ZNF705G: variants seen among roughly 807,000 people sequenced by gnomAD.
ZNF705G encodes the protein putative zinc finger protein 705G.
In ZNF705G, 23 loss-of-function variants were observed where a neutral mutation model predicts 19.6. The observed-to-expected ratio is 1.17, with a 90% CI of 0.84 to 1.66. The LOEUF (loss-of-function observed/expected upper bound fraction) is 1.66. Ranked by LOEUF, ZNF705G falls within the 40% of genes most tolerant of loss-of-function variation. ZNF705G has a pLI of 0.00. For synonymous variants in ZNF705G, 146 were observed against 117.7 expected, an observed-to-expected ratio of 1.24 and a Z score of -1.56; for missense variants, 457 against 354.4, an observed-to-expected ratio of 1.29 and a Z score of -2.32.
intron 2 of ZNF705G, among the ~76,000 whole-genome samples, chr8:7,366,527 G>C (rs1388621129): frequency 6.7e-6 from 1 of 149,412 alleles, no homozygotes; most frequent in African/African-American, 2.6e-5. Context: ...AATCAAGGGA[G>C]AAATCTATTT....
rs1423595602 is a variant in ZNF705G, at chr8:7,360,274, C to T, written c.198G>A (p.Trp66Ter). 7 of 1,591,496 alleles carry T rather than the reference C, an allele frequency of 4.4e-6. No individual in the cohort carries two copies. The East Asian group carries it at 1.1e-4, about 25-fold the overall frequency. Reference protein sequence around the residue: ...ILQLEQGKELWREGRVFLQDQ... With the variant: ...ILQLEQGKEL ...CTTGAAGAAATACTCTTCCTTCCCT[C>T]CACAGCTCTTTTCCTTGCTCCAGCT... Residue 66 changes from tryptophan to a stop codon, truncating the protein, a stop_gained, in exon 5 of 7, where the codon TGG becomes TGA. Coordinates refer to ENST00000400156, the MANE Select transcript of ZNF705G (RefSeq NM_001164457.3). LOFTEE classifies it high-confidence loss of function.
Position 7,379,839 on chromosome 8 carries a change from C to A in ZNF705G, c.-72+1613G>T, listed in dbSNP as rs577151308. Among the ~76,000 whole-genome samples the A allele has an allele frequency of 7.5e-5, 11 of 146,966 alleles. 1 individual carries two copies. The highest frequency in any genetic ancestry group is 6.6e-4 in the Admixed American group (10 of 15,180). On this transcript the variant is annotated intron_variant, in intron 2 of 6. Coordinates refer to ENST00000400156, the MANE Select transcript of ZNF705G (RefSeq NM_001164457.3). Reference sequence around the variant, plus strand: ...TGGCACTGGATCGTCTGCACCTGCCCCCAGACACAGGCAGCTGTGGCACAA... The same window carrying A: ...TGGCACTGGATCGTCTGCACCTGCCACCAGACACAGGCAGCTGTGGCACAA...
At chr8:7,360,634 T>A (rs1265009025) in intron 4 of ZNF705G, among the ~76,000 whole-genome samples, 6 of 149,448 alleles carry the variant, frequency 4.0e-5, no homozygotes, top group South Asian at 4.2e-4. Context: ...AAGAGAGTAA[T>A]TATATCTCTG....
Position 7,356,464 on chromosome 8 carries a change from G to C in ZNF705G, c.*1512C>G, listed in dbSNP as rs150026362. 2,126 of 149,606 alleles carry C rather than the reference G, an allele frequency of 0.014. 35 individuals are homozygous for C. Among genetic ancestry groups the C allele is most frequent in the Non-Finnish European group, 0.021 (1,396 of 67,896 alleles). 9.3% of individuals were successfully genotyped at this position (149,606 alleles called of 1,614,324 possible). The stretch of plus-strand genomic sequence containing the variant: ...GATCCCAGTTAACTGCCTAGAGACA[G>C]AGGAAAGGGCTGCGGACACCCAAAT... On this transcript the variant is annotated 3_prime_UTR_variant, in exon 7 of 7. Transcript: ENST00000400156.
In ZNF705G at chr8:7,361,212, C is replaced by T. The variant is rs766409346; in HGVS notation, c.37G>A (p.Ala13Thr). The T allele has an allele frequency of 1.3e-5, 20 of 1,592,736 alleles. 1 individual carries two copies. Among genetic ancestry groups the T allele is most frequent in the African/African-American group, 2.8e-5 (2 of 70,792 alleles). Reference sequence around the variant, plus strand: ...CACTCTTCCTGGGTGAAGTCAATAGCTACATCTTCAAAAGTCAGTTTCTTC... The same window carrying T: ...CACTCTTCCTGGGTGAAGTCAATAGTTACATCTTCAAAAGTCAGTTTCTTC... Reference protein sequence around the residue: ...SLKKLTFEDVAIDFTQEEWAM... With the variant: ...SLKKLTFEDVTIDFTQEEWAM... The change falls in exon 4 of 7, where the codon GCT becomes ACT. Residue 13 changes from alanine to threonine, a missense_variant. Ala to Thr is a moderately conservative substitution (Grantham distance 58). Coordinates refer to ENST00000400156, the MANE Select transcript of ZNF705G (RefSeq NM_001164457.3).
chr8:7,367,909 G>A (rs1169879344), intron 2 of ZNF705G, among the ~76,000 whole-genome samples: 8 of 149,596 alleles, frequency 5.3e-5, no homozygotes, highest in Non-Finnish European at 1.2e-4. Flanking sequence ...AAGGGAATGA[G>A]GCCAGTTCAC....
chr8:7,368,876 G>T lies in ZNF705G; in HGVS notation c.-71-5859C>A, dbSNP rs569242863. ...TAGAGGGTGCAAGCCACAAGCCTTGGCAATTTCCATGAGGTATTAAACCTG... is the reference window on the plus strand; with the variant it reads ...TAGAGGGTGCAAGCCACAAGCCTTGTCAATTTCCATGAGGTATTAAACCTG... On this transcript the variant is annotated intron_variant, in intron 2 of 6. Transcript: ENST00000400156. Among the ~76,000 whole-genome samples the T allele has an allele frequency of 2.1e-3, 317 of 149,704 alleles. 17 individuals are homozygous for T. The highest frequency in any genetic ancestry group is 7.7e-3 in the African/African-American group (302 of 39,076).
Position 7,360,310 on chromosome 8 carries a change from A to G in ZNF705G, c.162T>C (p.Tyr54=), listed in dbSNP as rs746768728. 6.3e-7 allele frequency: 1 copy of G among 1,590,064 alleles called. No homozygotes were observed. The highest frequency in any genetic ancestry group is 8.5e-7 in the Non-Finnish European group (1 of 1,178,730). The change falls in exon 5 of 7, where the codon TAT becomes TAC. Residue 54 remains tyrosine, a synonymous_variant. Coordinates refer to ENST00000400156, the MANE Select transcript of ZNF705G (RefSeq NM_001164457.3). ...VSLGYQISKS[Y]IILQLEQGKE... ...TTCCTTGCTCCAGCTGCAAAATTATATAGGATTTGCTTATCTGGTACCCTG... is the reference window on the plus strand; with the variant it reads ...TTCCTTGCTCCAGCTGCAAAATTATGTAGGATTTGCTTATCTGGTACCCTG...
intron 2 of ZNF705G, among the ~76,000 whole-genome samples, chr8:7,371,066 G>A (rs1244749107): frequency 1.4e-5 from 2 of 139,902 alleles, no homozygotes; most frequent in Non-Finnish European, 3.0e-5. Context: ...CCTGTTGGGA[G>A]GCAGGTGGAG....
In ZNF705G at chr8:7,360,346, G is replaced by C. The variant is rs758533066; in HGVS notation, c.140-14C>G. ...TTATCTGGTACCCTGTTAGTGGAAA[G>C]AATACATGTGTTTTGAGTTCACTGT... On this transcript the variant is annotated splice_polypyrimidine_tract_variant and intron_variant, in intron 4 of 6. Coordinates refer to ENST00000400156, the MANE Select transcript of ZNF705G (RefSeq NM_001164457.3). 7 of 1,587,972 alleles carry C rather than the reference G, an allele frequency of 4.4e-6. No individual in the cohort carries two copies. The South Asian group carries it at 6.6e-5, about 15-fold the overall frequency.
Position 7,361,171 on chromosome 8 carries a change from T to A in ZNF705G, c.78A>T (p.Thr26=), listed in dbSNP as rs113649567. 1.3e-6 allele frequency: 2 copies of A among 1,593,160 alleles called. No individual in the cohort carries two copies. The highest frequency in any genetic ancestry group is 1.7e-6 in the Non-Finnish European group (2 of 1,179,468). ...FTQEEWAMMD[T]SKRKLYRDVM... ...CATCTCTGTACAGCTTTCTCTTGGATGTGTCCATCATGGCCCACTCTTCCT... is the reference window on the plus strand; with the variant it reads ...CATCTCTGTACAGCTTTCTCTTGGAAGTGTCCATCATGGCCCACTCTTCCT... The change falls in exon 4 of 7, where the codon ACA becomes ACT. Residue 26 remains threonine (T), a synonymous_variant. Coordinates refer to ENST00000400156, the MANE Select transcript of ZNF705G (RefSeq NM_001164457.3).
At position 7,379,837 on chromosome 8, in the gene ZNF705G, C is replaced by T. The variant is rs1353966361; in HGVS notation, c.-72+1615G>A. On this transcript the variant is annotated intron_variant, in intron 2 of 6. Coordinates refer to ENST00000400156, the MANE Select transcript of ZNF705G (RefSeq NM_001164457.3). ...GTTGGCACTGGATCGTCTGCACCTG[C>T]CCCCAGACACAGGCAGCTGTGGCAC... Among the ~76,000 whole-genome samples, 4 of 146,906 alleles carry T rather than the reference C, an allele frequency of 2.7e-5. 1 individual carries two copies. The highest frequency in any genetic ancestry group is 1.3e-4 in the Admixed American group (2 of 15,172).
chr8:7,375,490 C>G (rs1490177087), intron 2 of ZNF705G, among the ~76,000 whole-genome samples: 1 of 90,406 alleles, frequency 1.1e-5, no homozygotes, highest in Non-Finnish European at 2.1e-5. Flanking sequence ...GATGAACATA[C>G]AGATTTAGGT....
chr8:7,376,478 C>T (rs1368806587), intron 2 of ZNF705G, among the ~76,000 whole-genome samples: 1 of 114,210 alleles, frequency 8.8e-6, no homozygotes, highest in Non-Finnish European at 1.8e-5. Flanking sequence ...ACAAAGACTG[C>T]TCAGAATTAA....
intron 1 of ZNF705G, among the ~76,000 whole-genome samples, chr8:7,384,500 T>C (rs900655831): frequency 5.5e-5 from 8 of 145,982 alleles, no homozygotes; most frequent in African/African-American, 1.7e-4. Flanking sequence ...GAAATGCAAA[T>C]GAACCTAACC....
chr8:7,369,693 T>G (rs923940765), intron 2 of ZNF705G, among the ~76,000 whole-genome samples: 1 of 149,736 alleles, frequency 6.7e-6, no homozygotes, highest in African/African-American at 2.6e-5. Flanking sequence ...ACAGTATATG[T>G]ACACCATGGA....
chr8:7,366,898 G>A (rs1468459780), intron 2 of ZNF705G, among the ~76,000 whole-genome samples: 3 of 149,630 alleles, frequency 2.0e-5, no homozygotes, highest in Non-Finnish European at 2.9e-5. Flanking sequence ...CCACACATAT[G>A]TAGTTACAGA....
intron 2 of ZNF705G, among the ~76,000 whole-genome samples, chr8:7,366,730 G>C (rs1176618856): frequency 6.7e-6 from 1 of 149,540 alleles, no homozygotes. Flanking sequence ...CATTGCTTGA[G>C]AAAATCTGAG....
chr8:7,360,049 G>A (rs1481329685), intron 5 of ZNF705G, among the ~76,000 whole-genome samples, 188 bp downstream of exon 5: 1 of 149,404 alleles, frequency 6.7e-6, no homozygotes, highest in Non-Finnish European at 1.5e-5. Context: ...AGAAAAAAAA[G>A]AGGACACAAG....
Sources: gnomAD v4.1 joint callset for allele counts (sites outside exome capture counted in the v4.1 genomes callset) on GRCh38, gnomAD v4.1.1 for gene constraint, MANE v1.5 for transcripts, NCBI Gene and HGNC (gene_info 2026-07-23, HGNC 2026-07-21) for gene names.